The following BCAS3 variants were observed in gnomAD, a reference collection of about 807,000 sequenced individuals.
The protein encoded by BCAS3 is BCAS3 microtubule associated cell migration factor, also known as BCAS4/BCAS3 fusion.
A neutral mutation model predicts 116.1 loss-of-function variants in BCAS3; 53 were observed. The ratio of observed to expected loss-of-function variants is 0.46; its 90% CI spans 0.37 to 0.57. BCAS3 has a LOEUF of 0.57. Among genes scored for constraint, BCAS3 ranks in the 20% least tolerant of loss-of-function variants. BCAS3 has a pLI of 0.00. For missense variants in BCAS3, 917 were observed against 1,165.4 expected, an observed-to-expected ratio of 0.79 and a Z score of 3.10; for synonymous variants, 391 against 408.2, an observed-to-expected ratio of 0.96 and a Z score of 0.51.
intron 7 of BCAS3, among the ~76,000 whole-genome samples, chr17:60,852,012 C>G (rs918227033): frequency 1.3e-5 from 2 of 152,014 alleles, no homozygotes; most frequent in Admixed American, 1.3e-4. Flanking sequence ...TGGGTGTCAG[C>G]TTAACATTTC....
At chr17:60,987,664 T>G (rs8073202) in intron 14 of BCAS3, among the ~76,000 whole-genome samples, 1 of 152,114 alleles carries the variant, frequency 6.6e-6, no homozygotes, top group African/African-American at 2.4e-5. Flanking sequence ...TGCTACTGAT[T>G]GTTGTATGTT....
At chr17:61,329,825 G>T (rs1568866728) in intron 22 of BCAS3, among the ~76,000 whole-genome samples, 1 of 152,108 alleles carries the variant, frequency 6.6e-6, no homozygotes, top group African/African-American at 2.4e-5. Context: ...GGGCTTTGCT[G>T]CACTTATCCA....
intron 22 of BCAS3, among the ~76,000 whole-genome samples, chr17:61,191,473 A>G (rs1430063239): frequency 6.6e-6 from 1 of 152,140 alleles, no homozygotes; most frequent in African/African-American, 2.4e-5. Flanking sequence ...GAACAAGTGG[A>G]TATGAAAAAT....
At chr17:61,175,108 C>T (rs899908173) in intron 22 of BCAS3, among the ~76,000 whole-genome samples, 1 of 152,140 alleles carries the variant, frequency 6.6e-6, no homozygotes, top group Admixed American at 6.5e-5. Context: ...TGTGTCTTGT[C>T]AAAGTCCTGG....
chr17:61,388,667 G>A lies in BCAS3; in HGVS notation c.2594-3310G>A. On this transcript the variant is annotated intron_variant, in intron 23 of 23. Coordinates refer to ENST00000407086, the MANE Select transcript of BCAS3 (RefSeq NM_017679.5). The surrounding 1 kb of genome is among the most constrained non-coding windows in gnomAD (Gnocchi z 6.5). ...AATGCCAACAGCCCAGCGTCCGTGA[G>A]CAACCCAACAGTAACAAAGCATGCG... is the stretch of plus-strand genomic sequence containing the variant. 1 of 1,548,696 alleles carries A rather than the reference G, an allele frequency of 6.5e-7. No homozygotes were observed. The highest frequency in any genetic ancestry group is 8.7e-7 in the Non-Finnish European group (1 of 1,154,780).
intron 5 of BCAS3, among the ~76,000 whole-genome samples, chr17:60,734,397 T>C (rs113897682): frequency 0.032 from 4,828 of 152,334 alleles, 242 homozygotes; most frequent in African/African-American, 0.1. Context: ...CCCAAAGTGC[T>C]GGGATTACAG....
chr17:61,100,678 C>T (rs1236231546), intron 22 of BCAS3, among the ~76,000 whole-genome samples: 1 of 152,114 alleles, frequency 6.6e-6, no homozygotes, highest in Non-Finnish European at 1.5e-5. Context: ...TTCAATATTT[C>T]ATCATGGAAC....
chr17:60,863,951 G>A (rs1166847690), intron 7 of BCAS3, among the ~76,000 whole-genome samples: 1 of 152,184 alleles, frequency 6.6e-6, no homozygotes, highest in Non-Finnish European at 1.5e-5. Context: ...CCTGTTCAGC[G>A]TCATGAAACC....
In BCAS3 at chr17:61,237,803, T is replaced by C. The variant is rs80058059; in HGVS notation, c.2426-130524T>C. Among the ~76,000 whole-genome samples the C allele has an allele frequency of 6.6e-5, 10 of 152,340 alleles. 1 individual carries two copies. In the East Asian group the frequency reaches 1.9e-3, roughly 29 times the overall value. On this transcript the variant is annotated intron_variant, in intron 22 of 23. Transcript: ENST00000407086. ...TAGACCCCCAGCTCTTAACTGCTTT[T>C]TGTATTACTCTCTATTCCTTTTAAA...
intron 6 of BCAS3, among the ~76,000 whole-genome samples, chr17:60,787,912 A>C (rs1299936919): frequency 1.3e-5 from 2 of 151,672 alleles, no homozygotes; most frequent in East Asian, 3.9e-4. Flanking sequence ...GGACATGAAT[A>C]GTACCTTTTT....
rs1318200853 is a variant in BCAS3, at chr17:61,265,270, G to A, written c.2426-103057G>A. On this transcript the variant is annotated intron_variant, in intron 22 of 23. Coordinates refer to ENST00000407086, the MANE Select transcript of BCAS3 (RefSeq NM_017679.5). The surrounding 1 kb of genome is among the most constrained non-coding windows in gnomAD (Gnocchi z 4.3). ...CTCTGCTAAAAATACAAAATTAGCC[G>A]GCATGGTGGCGCATGCCTGTAATCC... 4.6e-5 allele frequency among the ~76,000 whole-genome samples: 7 copies of A among 152,090 alleles called. No homozygotes were observed. In the East Asian group the frequency reaches 7.8e-4, roughly 17 times the overall value.
chr17:61,062,754 T>C lies in BCAS3; in HGVS notation c.2030-12166T>C, dbSNP rs573061275. ...TAGCCATTTAGTCCATCCTAAAAAC[T>C]GAAGGTCCTGGGAATTTAATTATGT... On this transcript the variant is annotated intron_variant, in intron 19 of 23. Transcript: ENST00000407086. Among the ~76,000 whole-genome samples, 44 of 152,366 alleles carry C rather than the reference T, an allele frequency of 2.9e-4. No individual in the cohort carries two copies. In the South Asian group the frequency reaches 8.5e-3, roughly 29 times the overall value.
At chr17:61,242,042 C>T (rs769498297) in intron 22 of BCAS3, among the ~76,000 whole-genome samples, 100 of 152,072 alleles carry the variant, frequency 6.6e-4, no homozygotes, top group African/African-American at 2.4e-3. Flanking sequence ...TTTGGGAGGC[C>T]GAGGCGGGCA....
intron 14 of BCAS3, among the ~76,000 whole-genome samples, chr17:60,971,867 C>G (rs558463843): frequency 1.3e-5 from 2 of 152,286 alleles, no homozygotes; most frequent in South Asian, 4.1e-4. Context: ...CACAAGGCCT[C>G]CATGGGTCAG....
At position 61,355,327 on chromosome 17, in the gene BCAS3, G is replaced by A. The variant is rs146584311; in HGVS notation, c.2426-13000G>A. ...TTCAAAGTTCTCAGTTGAGAGCCTCGTGTTTGACTTATTTGTGGAGCACAG... is the reference window on the plus strand; with the variant it reads ...TTCAAAGTTCTCAGTTGAGAGCCTCATGTTTGACTTATTTGTGGAGCACAG... On this transcript the variant is annotated intron_variant, in intron 22 of 23. Coordinates refer to ENST00000407086, the MANE Select transcript of BCAS3 (RefSeq NM_017679.5). This position sits in a 1 kb window ranked among gnomAD's most constrained non-coding sequence, Gnocchi z 4.2. Among the ~76,000 whole-genome samples, 5 of 152,286 alleles carry A rather than the reference G, an allele frequency of 3.3e-5. No individual in the cohort carries two copies. In the East Asian group the frequency reaches 7.7e-4, roughly 23 times the overall value.
chr17:60,837,652 CTTTTTTTT>C (rs371521233), intron 7 of BCAS3, among the ~76,000 whole-genome samples: 3 of 136,962 alleles, frequency 2.2e-5, no homozygotes, highest in South Asian at 4.6e-4. Flanking sequence ...TTTCACAATA[CTTTTTTTT>C]TTTTTTTTTT....
At chr17:60,998,405 T>C (rs1366682498) in intron 15 of BCAS3, among the ~76,000 whole-genome samples, 2 of 152,214 alleles carry the variant, frequency 1.3e-5, no homozygotes, top group Non-Finnish European at 2.9e-5. Context: ...CTATTTTTAG[T>C]TCTTTATGGA....
chr17:61,221,605 T>A (rs73326862), intron 22 of BCAS3, among the ~76,000 whole-genome samples: 4,272 of 152,216 alleles, frequency 0.028, 206 homozygotes, highest in African/African-American at 0.097. Context: ...TGTTTCCCCT[T>A]CACTTTCTTA....
chr17:61,227,277 C>G lies in BCAS3; in HGVS notation c.2426-141050C>G, dbSNP rs1048212213. 6.6e-6 allele frequency among the ~76,000 whole-genome samples: 1 copy of G among 152,218 alleles called. No homozygotes were observed. The highest frequency in any genetic ancestry group is 2.1e-4 in the South Asian group (1 of 4,834). ...CTCTTCTGAAAAAAATGCAGATACT[C>G]ATACATATACAATGTCGCATGTGCT... On this transcript the variant is annotated intron_variant, in intron 22 of 23. Coordinates refer to ENST00000407086, the MANE Select transcript of BCAS3 (RefSeq NM_017679.5). The surrounding 1 kb of genome is among the most constrained non-coding windows in gnomAD (Gnocchi z 6.1).
Sources: allele counts gnomAD v4.1 joint callset (sites outside exome capture counted in the v4.1 genomes callset), GRCh38; gene constraint gnomAD v4.1.1; non-coding constraint Gnocchi (gnomAD v3.1); transcripts MANE v1.5; gene names NCBI Gene and HGNC (gene_info 2026-07-23, HGNC 2026-07-21).